The following DNAH8 variants were observed in gnomAD, a reference collection of about 807,000 sequenced individuals.
DNAH8 encodes the protein axonemal beta dynein heavy chain 8.
A neutral mutation model predicts 562.1 loss-of-function variants in DNAH8; 382 were observed. The ratio of observed to expected loss-of-function variants is 0.68; its 90% CI spans 0.63 to 0.74. The LOEUF is 0.74. DNAH8 is among the 30% of genes least tolerant of loss of function. DNAH8 has a pLI of 0.00. For synonymous variants in DNAH8, 1,881 were observed against 1,919.4 expected, an observed-to-expected ratio of 0.98 and a Z score of 0.52; for missense variants, 5,203 against 5,620.4, an observed-to-expected ratio of 0.93 and a Z score of 2.37.
At chr6:38,759,364 C>T (rs1000847084) in intron 10 of DNAH8, among the ~76,000 whole-genome samples, 1 of 152,094 alleles carries the variant, frequency 6.6e-6, no homozygotes, top group Non-Finnish European at 1.5e-5. Flanking sequence ...AAAAAACCCA[C>T]ATGAATAGAA....
intron 8 of DNAH8, among the ~76,000 whole-genome samples, chr6:38,749,982 G>A (rs1301172513): frequency 2.6e-5 from 4 of 152,118 alleles, no homozygotes; most frequent in African/African-American, 4.8e-5. Context: ...ACAGGCGCCC[G>A]CCGCCACGCC....
chr6:38,786,740 A>G, intron 17 of DNAH8, 25 bp from the exon 18 acceptor site: 2 of 1,602,562 alleles, frequency 1.2e-6, no homozygotes, highest in Non-Finnish European at 1.7e-6. Flanking sequence ...CAGAATGAGT[A>G]ATGTCAATCA....
chr6:38,750,371 C>G, intron 8 of DNAH8, 105 bp from the exon 9 acceptor site: 1 of 578,032 alleles, frequency 1.7e-6, no homozygotes, highest in Non-Finnish European at 2.9e-6. Context: ...AAATATCTAC[C>G]ATTTTAGTAT....
At chr6:38,995,115 G>A (rs1583532157) in intron 88 of DNAH8, among the ~76,000 whole-genome samples, 1 of 133,904 alleles carries the variant, frequency 7.5e-6, no homozygotes, top group South Asian at 2.3e-4. Context: ...TTTCTCTATT[G>A]TTGTCAGAAA....
intron 82 of DNAH8, among the ~76,000 whole-genome samples, chr6:38,969,353 G>C (rs1393909193): frequency 6.6e-6 from 1 of 152,174 alleles, no homozygotes; most frequent in Non-Finnish European, 1.5e-5. Flanking sequence ...GCACTATCTA[G>C]GTGCTGGGTT....
chr6:38,984,762 G>C (rs964215448), intron 87 of DNAH8, among the ~76,000 whole-genome samples: 3 of 152,126 alleles, frequency 2.0e-5, no homozygotes, highest in Non-Finnish European at 4.4e-5. Flanking sequence ...CTGCACTCCA[G>C]CCTGGTGACA....
At chr6:38,809,835 A>G (rs910179524) in intron 24 of DNAH8, among the ~76,000 whole-genome samples, 4 of 152,330 alleles carry the variant, frequency 2.6e-5, no homozygotes, top group African/African-American at 9.6e-5. Context: ...TGTTAGGTGC[A>G]TACAAGGTCG....
At position 38,782,825 on chromosome 6, in the gene DNAH8, C is replaced by T. The variant is rs145746708; in HGVS notation, c.2260-179C>T. On this transcript the variant is annotated intron_variant, in intron 16 of 92. Transcript: ENST00000327475. Reference sequence around the variant, plus strand: ...CAGTCTTCCCTCTATATACTGATAACGTTTCCCTACTTCTGCTTCTTGCTG... The same window carrying T: ...CAGTCTTCCCTCTATATACTGATAATGTTTCCCTACTTCTGCTTCTTGCTG... 4.0e-3 allele frequency among the ~76,000 whole-genome samples: 606 copies of T among 152,272 alleles called. 3 individuals are homozygous for T. Among genetic ancestry groups the T allele is most frequent in the African/African-American group, 0.013 (526 of 41,554 alleles).
intron 62 of DNAH8, among the ~76,000 whole-genome samples, chr6:38,905,656 T>C (rs1780401340): frequency 6.6e-6 from 1 of 152,198 alleles, no homozygotes; most frequent in South Asian, 2.1e-4. Context: ...GACTAAAAGT[T>C]CATTTCTCTA....
chr6:38,944,337 T>C (rs201321859), intron 79 of DNAH8, among the ~76,000 whole-genome samples: 2 of 152,100 alleles, frequency 1.3e-5, no homozygotes, highest in East Asian at 3.9e-4. Context: ...GTGAAGCAAA[T>C]GGGTTTACAT....
intron 76 of DNAH8, among the ~76,000 whole-genome samples, chr6:38,933,250 C>T (rs142178291): frequency 3.9e-5 from 6 of 152,174 alleles, no homozygotes; most frequent in African/African-American, 1.4e-4. Context: ...GTCCCCAGGG[C>T]TCCCCACACC....
chr6:38,873,181 A>G (rs1159625842), intron 51 of DNAH8, 34 bp downstream of exon 51: 5 of 1,613,136 alleles, frequency 3.1e-6, no homozygotes, highest in Non-Finnish European at 4.2e-6. Flanking sequence ...GAACCCTCAG[A>G]GTCTCTCCAC....
intron 49 of DNAH8, 150 bp downstream of exon 49, chr6:38,870,712 G>A (rs1777405063): frequency 2.4e-6 from 2 of 821,746 alleles, no homozygotes; most frequent in Non-Finnish European, 3.8e-6. Context: ...TACTTGGAAG[G>A]ATGTGGTGGT....
At chr6:38,900,949 T>C (rs752141365) in intron 62 of DNAH8, among the ~76,000 whole-genome samples, 2 of 152,200 alleles carry the variant, frequency 1.3e-5, no homozygotes, top group Non-Finnish European at 2.9e-5. Flanking sequence ...GCTCACTGTG[T>C]TTCAGTTTGC....
Position 38,850,276 on chromosome 6 carries a change from A to G in DNAH8, c.5225A>G (p.Asp1742Gly). 1.2e-6 allele frequency: 2 copies of G among 1,613,464 alleles called. No homozygotes were observed. Among genetic ancestry groups the G allele is most frequent in the Non-Finnish European group, 1.7e-6 (2 of 1,179,582 alleles). The change falls in exon 38 of 93, where the codon GAC becomes GGC. Residue 1742 changes from aspartate to glycine, a missense_variant. Physicochemically the swap from Asp to Gly is moderately conservative, Grantham distance 94. Coordinates refer to ENST00000327475, the MANE Select transcript of DNAH8 (RefSeq NM_001206927.2). ...GAAGCAAAACGTTTTCAGAATATTG[A>G]CAAGTCTTGGATAAAAATAATGCAG... is the stretch of plus-strand genomic sequence containing the variant. ...PQEAKRFQNI[D>G]KSWIKIMQRA...
chr6:38,776,398 A>G (rs1406942645), intron 13 of DNAH8, among the ~76,000 whole-genome samples: 1 of 152,044 alleles, frequency 6.6e-6, no homozygotes, highest in East Asian at 1.9e-4. Context: ...TTGTATTTTT[A>G]GTAGAGACAG....
intron 35 of DNAH8, among the ~76,000 whole-genome samples, chr6:38,843,553 T>A (rs1025046327): frequency 6.6e-6 from 1 of 152,142 alleles, no homozygotes; most frequent in Non-Finnish European, 1.5e-5. Flanking sequence ...AAAGTAAAGA[T>A]CTCCTTGCTC....
chr6:38,825,429 A>G (rs558156162), intron 28 of DNAH8, among the ~76,000 whole-genome samples: 74 of 152,316 alleles, frequency 4.9e-4, no homozygotes, highest in Middle Eastern at 3.4e-3. Flanking sequence ...CATTTGAGCT[A>G]TGTTAAGGGA....
At chr6:39,000,850 T>C (rs892324746) in intron 88 of DNAH8, among the ~76,000 whole-genome samples, 6 of 152,096 alleles carry the variant, frequency 3.9e-5, no homozygotes, top group African/African-American at 1.4e-4. Flanking sequence ...GCCAAAAAGG[T>C]TGGGAACCGC....
Sources: allele counts gnomAD v4.1 joint callset (sites outside exome capture counted in the v4.1 genomes callset), GRCh38; gene constraint gnomAD v4.1.1; transcripts MANE v1.5; gene names NCBI Gene and HGNC (gene_info 2026-07-23, HGNC 2026-07-21).